The following FGF12 variants were observed in gnomAD, a reference collection of about 807,000 sequenced individuals.
FGF12 encodes fibroblast growth factor 12B.
Under a neutral mutation model 23.6 loss-of-function variants are expected in FGF12, and 14 were observed. That is an observed-to-expected ratio of 0.59 (90% CI 0.39 to 0.93). FGF12 has a LOEUF of 0.93. FGF12 is among the 40% of genes least tolerant of loss of function. The probability of loss-of-function intolerance (pLI) is 0.00; values close to 1 mark genes in which losing one functional copy is unlikely to be tolerated. For missense variants in FGF12, 175 were observed against 217.8 expected (o/e 0.80, Z 1.24); for synonymous variants, 62 against 77.3 (o/e 0.80, Z 1.04).
At chr3:192,569,306 T>C (rs937618670) in intron 2 of FGF12, among the ~76,000 whole-genome samples, 1 of 152,208 alleles carries the variant, frequency 6.6e-6, no homozygotes, top group Non-Finnish European at 1.5e-5. Flanking sequence ...TAATGAATGT[T>C]TATTTCTCAT....
chr3:192,452,875 T>G (rs1323185215), intron 2 of FGF12, among the ~76,000 whole-genome samples: 2 of 152,250 alleles, frequency 1.3e-5, no homozygotes, highest in Non-Finnish European at 2.9e-5. Context: ...GTTCTAAAAC[T>G]TCACTATACT....
chr3:192,705,262 G>C (rs542205004), intron 2 of FGF12, among the ~76,000 whole-genome samples: 50 of 152,310 alleles, frequency 3.3e-4, no homozygotes, highest in Admixed American at 2.0e-4. Context: ...TTTTAAGTGA[G>C]AGACATGTGA....
intron 5 of FGF12, among the ~76,000 whole-genome samples, chr3:192,167,331 G>A (rs905818725): frequency 3.3e-5 from 5 of 151,958 alleles, no homozygotes; most frequent in African/African-American, 7.2e-5. Flanking sequence ...CCTCTCCTCT[G>A]CCCTCTGGCT....
chr3:192,437,589 A>G (rs1560110801), intron 2 of FGF12, among the ~76,000 whole-genome samples: 3 of 152,050 alleles, frequency 2.0e-5, no homozygotes. Context: ...CTACTCAGGA[A>G]GCTGAGGCAG....
At chr3:192,270,206 T>C (rs2108627261) in intron 4 of FGF12, among the ~76,000 whole-genome samples, 1 of 152,272 alleles carries the variant, frequency 6.6e-6, no homozygotes, top group South Asian at 2.1e-4. Context: ...CTTTTCCTGA[T>C]GGTCTTGAAA....
chr3:192,333,383 GACTA>G (rs1361523562), intron 4 of FGF12, among the ~76,000 whole-genome samples: 1 of 151,948 alleles, frequency 6.6e-6, no homozygotes, highest in Admixed American at 6.6e-5. Context: ...TTTAAAGTAA[GACTA>G]ACTAGAAATA....
At chr3:192,716,736 T>G (rs1718878840) in intron 2 of FGF12, among the ~76,000 whole-genome samples, 1 of 152,222 alleles carries the variant, frequency 6.6e-6, no homozygotes, top group Non-Finnish European at 1.5e-5. Context: ...TTTATATATA[T>G]TTTCCTCGTT....
At chr3:192,384,779 TG>T (rs907767266) in intron 2 of FGF12, among the ~76,000 whole-genome samples, 6 of 152,298 alleles carry the variant, frequency 3.9e-5, no homozygotes, top group African/African-American at 1.4e-4. Context: ...CACTGATGTT[TG>T]CATGAGTGAC....
intron 4 of FGF12, among the ~76,000 whole-genome samples, chr3:192,333,174 T>A (rs897013005): frequency 6.6e-6 from 1 of 152,048 alleles, no homozygotes; most frequent in Admixed American, 6.6e-5. Context: ...ACTCCCTCCT[T>A]CCCTTATACA....
intron 2 of FGF12, among the ~76,000 whole-genome samples, chr3:192,431,595 A>C (rs997546748): frequency 1.3e-5 from 2 of 152,196 alleles, no homozygotes; most frequent in African/African-American, 4.8e-5. Context: ...CCTGCTCAAC[A>C]GAAAACAATT....
In FGF12 at chr3:192,213,648, C is replaced by G. The variant is rs187540804; in HGVS notation, c.229-42992G>C. On this transcript the variant is annotated intron_variant, in intron 4 of 5. Coordinates refer to ENST00000445105, the MANE Select transcript of FGF12 (RefSeq NM_004113.6). ...TCATTTTACTTCATTTTAACTGCCT[C>G]ATTTCAGGAAGTTACAGTTTCTATC... Among the ~76,000 whole-genome samples, 4 of 152,304 alleles carry G rather than the reference C, an allele frequency of 2.6e-5. No individual in the cohort carries two copies. The East Asian group carries it at 7.7e-4, about 29-fold the overall frequency.
chr3:192,397,185 C>T (rs931992576), intron 2 of FGF12, among the ~76,000 whole-genome samples: 5 of 152,158 alleles, frequency 3.3e-5, no homozygotes, highest in Non-Finnish European at 5.9e-5. Flanking sequence ...GATAGAATGC[C>T]TGGGAAACCA....
At chr3:192,198,803 T>A (rs928152915) in intron 4 of FGF12, among the ~76,000 whole-genome samples, 1 of 152,240 alleles carries the variant, frequency 6.6e-6, no homozygotes, top group Non-Finnish European at 1.5e-5. Context: ...AACATGCTAG[T>A]GTCCACCATC....
chr3:192,490,944 C>A (rs1723784984), intron 2 of FGF12, among the ~76,000 whole-genome samples: 1 of 152,068 alleles, frequency 6.6e-6, no homozygotes, highest in Non-Finnish European at 1.5e-5. Context: ...GTTTTCTAAT[C>A]TACGTCATAG....
chr3:192,705,181 G>C (rs1267934101), intron 2 of FGF12, among the ~76,000 whole-genome samples: 3 of 152,182 alleles, frequency 2.0e-5, no homozygotes, highest in Non-Finnish European at 4.4e-5. Flanking sequence ...TAGGGCAAGT[G>C]GCCCAGCTTT....
Position 192,422,562 on chromosome 3 carries a change from C to T in FGF12, c.14-62024G>A, listed in dbSNP as rs567330462. 2.6e-5 allele frequency among the ~76,000 whole-genome samples: 4 copies of T among 152,274 alleles called. No homozygotes were observed. In the East Asian group the frequency reaches 7.7e-4, roughly 29 times the overall value. ...ATTAATCTTGTGCCACAAAGCCCTT[C>T]TCTATAACTCTGGATAAAGGCAATA... is the stretch of plus-strand genomic sequence containing the variant. On this transcript the variant is annotated intron_variant, in intron 2 of 5. Transcript: ENST00000445105.
intron 2 of FGF12, among the ~76,000 whole-genome samples, chr3:192,538,585 T>C (rs1725290732): frequency 6.6e-6 from 1 of 152,232 alleles, no homozygotes; most frequent in Non-Finnish European, 1.5e-5. Flanking sequence ...TTGCACATGA[T>C]AGCTTTAGCT....
intron 2 of FGF12, among the ~76,000 whole-genome samples, chr3:192,442,831 A>G (rs11918839): frequency 0.05 from 7,426 of 148,468 alleles, 608 homozygotes; most frequent in African/African-American, 0.17. Context: ...TTTTTGAGAC[A>G]GAGTCTCATT....
chr3:192,326,649 G>T (rs931135219), intron 4 of FGF12, among the ~76,000 whole-genome samples: 1 of 152,160 alleles, frequency 6.6e-6, no homozygotes, highest in African/African-American at 2.4e-5. Flanking sequence ...TGTTGTTGGT[G>T]TTATCACTGT....
Sources: allele counts gnomAD v4.1 joint callset (sites outside exome capture counted in the v4.1 genomes callset), GRCh38; gene constraint gnomAD v4.1.1; transcripts MANE v1.5; gene names NCBI Gene and HGNC (gene_info 2026-07-23, HGNC 2026-07-21).